Variants in E2F6 observed in about 807,000 individuals in gnomAD.
E2F6 encodes E2F transcription factor 6.
Under a neutral mutation model 31.5 loss-of-function variants are expected in E2F6, and 19 were observed. The ratio of observed to expected loss-of-function variants is 0.60; its 90% CI spans 0.42 to 0.89. The LOEUF is 0.89. Ranked by LOEUF, E2F6 falls within the 40% of genes least tolerant of loss-of-function variation. E2F6 has a pLI of 0.00. For synonymous variants in E2F6, 121 were observed against 127.7 expected (o/e 0.95, Z 0.36); for missense variants, 269 against 341.6 (o/e 0.79, Z 1.67).
intron 2 of E2F6, among the ~76,000 whole-genome samples, chr2:11,454,225 T>C (rs940750594): frequency 3.3e-5 from 5 of 152,222 alleles, no homozygotes; most frequent in Non-Finnish European, 5.9e-5. Flanking sequence ...TGGCGGCTTT[T>C]TTTCCCCTTT....
Position 11,466,125 on chromosome 2 carries a change from C to T in E2F6, c.-246G>A, listed in dbSNP as rs1366574989. On this transcript the variant is annotated 5_prime_UTR_variant, in exon 1 of 7. Transcript: ENST00000381525. The stretch of plus-strand genomic sequence containing the variant: ...GGAGGGAGACCCGCGGATCTCAAGT[C>T]GCCCGGCCCGCCATCTTCCCGCATG... 1 of 466,376 alleles carries T rather than the reference C, an allele frequency of 2.1e-6. No individual in the cohort carries two copies. Among genetic ancestry groups the T allele is most frequent in the South Asian group, 3.1e-5 (1 of 32,090 alleles). The allele number at this position is 466,376 out of a possible 1,614,324, so 28.9% of individuals were successfully genotyped here.
Position 11,465,788 on chromosome 2 carries a change from T to C in E2F6, c.92A>G (p.Asn31Ser), listed in dbSNP as rs141179047. 1.3e-6 allele frequency: 2 copies of C among 1,599,632 alleles called. No individual in the cohort carries two copies. The highest frequency in any genetic ancestry group is 2.3e-5 in the South Asian group (2 of 88,358). ...GGAGCTTACCAGCAGGCCCTCCACG[T>C]TGATGGGGTCTCGGCACCGACGGCG... ...TVRRRCRDPI[N>S]VEGLLPSKIR... Residue 31 changes from asparagine (N) to serine (S), a missense_variant, in exon 1 of 7, where the codon AAC (asparagine) becomes AGC (serine). Coordinates refer to ENST00000381525, the MANE Select transcript of E2F6 (RefSeq NM_198256.4).
chr2:11,465,618 C>T (rs892788420), intron 1 of E2F6, among the ~76,000 whole-genome samples, 154 bp downstream of exon 1: 1 of 152,224 alleles, frequency 6.6e-6, no homozygotes. Flanking sequence ...AAGCAGAAGG[C>T]GGGAGAGCGC....
intron 1 of E2F6, chr2:11,458,485 G>C (rs1425503108): frequency 1.2e-6 from 1 of 844,410 alleles, no homozygotes; most frequent in Non-Finnish European, 2.0e-6. Flanking sequence ...TTTGAAGCTG[G>C]GAGGGCATGC....
chr2:11,455,019 C>T (rs73915202), intron 2 of E2F6, among the ~76,000 whole-genome samples: 2 of 152,156 alleles, frequency 1.3e-5, no homozygotes, highest in Admixed American at 6.5e-5. Context: ...TTTCAATGAA[C>T]CTTTTTGTTG....
chr2:11,455,059 C>T (rs1235729276), intron 2 of E2F6, among the ~76,000 whole-genome samples: 1 of 152,162 alleles, frequency 6.6e-6, no homozygotes, highest in African/African-American at 2.4e-5. Flanking sequence ...CTTAACTGGA[C>T]ATTTTTAAGG....
At chr2:11,465,578 A>C (rs568193659) in intron 1 of E2F6, among the ~76,000 whole-genome samples, 194 bp downstream of exon 1, 23 of 152,354 alleles carry the variant, frequency 1.5e-4, no homozygotes, top group Non-Finnish European at 2.9e-4. Flanking sequence ...AGCCTAGAAG[A>C]CTGATACCAC....
At chr2:11,447,591 TAATTAA>T in intron 6 of E2F6, 30 bp downstream of exon 6, 1 of 1,601,848 alleles carries the variant, frequency 6.2e-7, no homozygotes, top group Non-Finnish European at 8.5e-7. Context: ...TATGCATGCT[TAATTAA>T]AATACTGTCA....
rs1439693452 is a variant in E2F6 at position 11,456,567 on chromosome 2, C to G, written c.163+612G>C. Among the ~76,000 whole-genome samples, 3 of 152,234 alleles carry G rather than the reference C, an allele frequency of 2.0e-5. No individual in the cohort carries two copies. In the East Asian group the frequency reaches 5.8e-4, roughly 29 times the overall value. On this transcript the variant is annotated intron_variant, in intron 2 of 6. Coordinates refer to ENST00000381525, the MANE Select transcript of E2F6 (RefSeq NM_198256.4). ...ATTTTGAAAGGTCATTGTGACAATC[C>G]ATGCAGAGAGCTTAATGCAGTGCCA...
intron 1 of E2F6, 114 bp downstream of exon 1, chr2:11,465,658 G>C: frequency 9.4e-7 from 1 of 1,064,904 alleles, no homozygotes. Flanking sequence ...GCAGCGCCTG[G>C]CCCAGGGGGA....
In E2F6 at chr2:11,465,971, T is replaced by A; in HGVS notation, c.-92A>T. On this transcript the variant is annotated 5_prime_UTR_variant, in exon 1 of 7. Coordinates refer to ENST00000381525, the MANE Select transcript of E2F6 (RefSeq NM_198256.4). ...CGAGCACCGCCCCCCACGCGCCGAT[T>A]TCCAAGGGCCCAGCACCTAAGGGGT... 1.6e-6 allele frequency: 2 copies of A among 1,213,364 alleles called. No homozygotes were observed. Among genetic ancestry groups the A allele is most frequent in the South Asian group, 3.2e-5 (2 of 63,074 alleles). The allele number at this position is 1,213,364 out of a possible 1,614,324, so 75.2% of individuals were successfully genotyped here.
intron 1 of E2F6, chr2:11,458,291 A>T (rs1344029472): frequency 4.5e-6 from 7 of 1,551,700 alleles, no homozygotes; most frequent in South Asian, 3.6e-5. Context: ...AGAAGGATTC[A>T]TGGCGAAGGC....
chr2:11,460,132 C>T (rs1156622456), intron 1 of E2F6, among the ~76,000 whole-genome samples: 1 of 151,978 alleles, frequency 6.6e-6, no homozygotes, highest in Admixed American at 6.6e-5. Flanking sequence ...TGAAGAGCTG[C>T]TTCAAAGGTG....
intron 2 of E2F6, 88 bp downstream of exon 2, chr2:11,457,091 C>T: frequency 9.8e-7 from 1 of 1,022,076 alleles, no homozygotes; most frequent in Non-Finnish European, 1.5e-6. Flanking sequence ...ATTTCAGTTT[C>T]TCATCAACTC....
intron 3 of E2F6, 118 bp from the exon 4 acceptor site, chr2:11,451,924 A>G (rs1671095866): frequency 2.1e-6 from 2 of 948,118 alleles, no homozygotes; most frequent in Non-Finnish European, 3.2e-6. Context: ...CAACAATAGA[A>G]ACTAGGGACT....
Position 11,444,974 on chromosome 2 carries a change from C to CGGTT in E2F6, c.*1502_*1503insAACC, listed in dbSNP as rs1419556818. The stretch of plus-strand genomic sequence containing the variant: ...AGGGAGGAAAAGCATTGAGGCTAAC[C>CGGTT]GCTGGGGGAGGAGCACACTTCATCC... On this transcript the variant is annotated 3_prime_UTR_variant, in exon 7 of 7. Transcript: ENST00000381525. The CGGTT allele has an allele frequency of 6.6e-6, 1 of 152,186 alleles. No homozygotes were observed. Among genetic ancestry groups the CGGTT allele is most frequent in the Non-Finnish European group, 1.5e-5 (1 of 68,060 alleles). The allele number at this position is 152,186 out of a possible 1,614,324, so 9.4% of individuals were successfully genotyped here.
At chr2:11,452,785 C>A (rs927093113) in intron 3 of E2F6, among the ~76,000 whole-genome samples, 3 of 152,222 alleles carry the variant, frequency 2.0e-5, no homozygotes, top group South Asian at 2.1e-4. Context: ...ATTAGTGATT[C>A]ACAATGCATG....
intron 5 of E2F6, among the ~76,000 whole-genome samples, chr2:11,449,376 C>T (rs1670921190): frequency 6.6e-6 from 1 of 152,128 alleles, no homozygotes; most frequent in Non-Finnish European, 1.5e-5. Context: ...CTGTGAGCAC[C>T]GATGGGTCTA....
In E2F6 at chr2:11,448,222, T is replaced by C. The variant is rs116774309; in HGVS notation, c.652-448A>G. On this transcript the variant is annotated intron_variant, in intron 5 of 6. Coordinates refer to ENST00000381525, the MANE Select transcript of E2F6 (RefSeq NM_198256.4). The stretch of plus-strand genomic sequence containing the variant: ...CAAGTAAAATGTCAAAAAAATCGTT[T>C]ACATTATTTATAAAGGACTAATTAA... 7.8e-3 allele frequency among the ~76,000 whole-genome samples: 1,192 copies of C among 152,318 alleles called. 17 individuals are homozygous for C. The highest frequency in any genetic ancestry group is 0.026 in the African/African-American group (1,073 of 41,570).
Sources: allele counts gnomAD v4.1 joint callset (sites outside exome capture counted in the v4.1 genomes callset), GRCh38; gene constraint gnomAD v4.1.1; transcripts MANE v1.5; gene names NCBI Gene and HGNC (gene_info 2026-07-23, HGNC 2026-07-21).